Variants in VPS13D observed in about 807,000 individuals in gnomAD.
The protein encoded by VPS13D is intermembrane lipid transfer protein VPS13D.
Under a neutral mutation model 461.9 loss-of-function variants are expected in VPS13D, and 187 were observed. The observed-to-expected ratio is 0.40, with a 90% CI of 0.36 to 0.46. The LOEUF (loss-of-function observed/expected upper bound fraction) is 0.46, where lower values mean the gene tolerates loss of function less well. Among genes scored for constraint, VPS13D ranks in the 20% least tolerant of loss-of-function variants. VPS13D has a pLI of 0.60. For synonymous variants in VPS13D, 1,951 were observed against 1,986.3 expected, an observed-to-expected ratio of 0.98 and a Z score of 0.47; for missense variants, 4,711 against 5,364.9, an observed-to-expected ratio of 0.88 and a Z score of 3.81.
intron 29 of VPS13D, among the ~76,000 whole-genome samples, chr1:12,313,074 ATAGAGTTTCTGAC>A (rs1642798918): frequency 6.6e-6 from 1 of 152,082 alleles, no homozygotes; most frequent in Non-Finnish European, 1.5e-5. Context: ...TCTTTTCCAG[ATAGAGTTTCTGAC>A]TAGCTTAAGG....
intron 10 of VPS13D, among the ~76,000 whole-genome samples, chr1:12,259,740 T>G (rs997947428): frequency 6.6e-6 from 1 of 152,220 alleles, no homozygotes; most frequent in Non-Finnish European, 1.5e-5. Flanking sequence ...TCAGGACAGC[T>G]AATTCCGCTT....
chr1:12,307,081 T>A (rs540545942), intron 26 of VPS13D, among the ~76,000 whole-genome samples: 7 of 152,354 alleles, frequency 4.6e-5, no homozygotes, highest in African/African-American at 1.7e-4. Context: ...TCCATGTATT[T>A]ATCAATGTAA....
At chr1:12,280,376 A>G (rs1211703938) in intron 20 of VPS13D, among the ~76,000 whole-genome samples, 1 of 152,106 alleles carries the variant, frequency 6.6e-6, no homozygotes, top group African/African-American at 2.4e-5. Flanking sequence ...GACCCCTGAG[A>G]GAACTACTCC....
chr1:12,275,868 G>T lies in VPS13D; in HGVS notation c.2280G>T (p.Glu760Asp), dbSNP rs748649444. Residue 760 changes from glutamate (E) to aspartate (D), a missense_variant, in exon 19 of 70, where the codon GAG becomes GAT. By Grantham distance (45) the Glu-to-Asp change is conservative. Coordinates refer to ENST00000620676, the MANE Select transcript of VPS13D (RefSeq NM_015378.4). ...RKSRDGSASEETQFSDDEYKT... is the reference protein window; with the variant it reads ...RKSRDGSASEDTQFSDDEYKT... Reference sequence around the variant, plus strand: ...GTAGGGATGGGTCAGCATCTGAAGAGACCCAGTTTAGTGATGATGAATATA... The same window carrying T: ...GTAGGGATGGGTCAGCATCTGAAGATACCCAGTTTAGTGATGATGAATATA... 3.1e-6 allele frequency: 5 copies of T among 1,612,636 alleles called. No homozygotes were observed. Among genetic ancestry groups the T allele is most frequent in the Non-Finnish European group, 4.2e-6 (5 of 1,179,520 alleles).
At chr1:12,326,485 C>T (rs537164695) in intron 35 of VPS13D, among the ~76,000 whole-genome samples, 1 of 151,794 alleles carries the variant, frequency 6.6e-6, no homozygotes, top group East Asian at 1.9e-4. Flanking sequence ...CTACAGGATG[C>T]ACCACCATAC....
At chr1:12,401,552 C>A in intron 61 of VPS13D, 56 bp from the exon 62 acceptor site, 1 of 1,392,316 alleles carries the variant, frequency 7.2e-7, no homozygotes, top group Non-Finnish European at 1.0e-6. Context: ...CTTAATAGCA[C>A]AGATGAATGT....
At chr1:12,335,509 C>T (rs921885754) in intron 38 of VPS13D, among the ~76,000 whole-genome samples, 196 bp from the exon 39 acceptor site, 1 of 152,090 alleles carries the variant, frequency 6.6e-6, no homozygotes, top group Non-Finnish European at 1.5e-5. Flanking sequence ...AGTTTTGTGG[C>T]GATGGTTGTC....
chr1:12,256,531 A>G (rs1465829986), intron 8 of VPS13D, 28 bp downstream of exon 8: 7 of 1,609,132 alleles, frequency 4.4e-6, no homozygotes, highest in Non-Finnish European at 5.9e-6. Context: ...AGTGGCATCT[A>G]CTTACTGTCA....
At chr1:12,249,167 CT>C in intron 5 of VPS13D, 55 bp from the exon 6 acceptor site, 1 of 1,388,328 alleles carries the variant, frequency 7.2e-7, no homozygotes, top group Non-Finnish European at 1.0e-6. Context: ...TTTTTCTTTT[CT>C]TTGGAACACT....
At chr1:12,313,874 C>G (rs1642822028) in intron 29 of VPS13D, among the ~76,000 whole-genome samples, 1 of 152,154 alleles carries the variant, frequency 6.6e-6, no homozygotes, top group Admixed American at 6.5e-5. Flanking sequence ...ACTTCTCATG[C>G]CGTTCCTATG....
At chr1:12,351,349 A>G (rs28806228) in intron 46 of VPS13D, among the ~76,000 whole-genome samples, 151,963 of 152,284 alleles carry the variant, frequency 1, 75,827 homozygotes, top group Middle Eastern at 1. Flanking sequence ...GGAGTGCAAG[A>G]GTGCAGTCTT....
chr1:12,312,384 T>G (rs1474263194), intron 29 of VPS13D, among the ~76,000 whole-genome samples: 1 of 152,222 alleles, frequency 6.6e-6, no homozygotes, highest in Non-Finnish European at 1.5e-5. Flanking sequence ...AGTCCTGTCT[T>G]GCTGTGTGTC....
chr1:12,441,735 A>G (rs1027284267), intron 65 of VPS13D, among the ~76,000 whole-genome samples: 10 of 152,236 alleles, frequency 6.6e-5, no homozygotes, highest in Non-Finnish European at 1.5e-4. Flanking sequence ...TCTTCAATCC[A>G]AATCAATACC....
chr1:12,370,599 C>A (rs1271818346), intron 54 of VPS13D, among the ~76,000 whole-genome samples: 1 of 152,142 alleles, frequency 6.6e-6, no homozygotes, highest in Non-Finnish European at 1.5e-5. Flanking sequence ...AGAGAAGGAC[C>A]ATTCTTTCTT....
intron 36 of VPS13D, among the ~76,000 whole-genome samples, chr1:12,329,465 G>C (rs1344133875): frequency 6.6e-6 from 1 of 152,064 alleles, no homozygotes; most frequent in Non-Finnish European, 1.5e-5. Context: ...ACCCACCTTG[G>C]CCTCTCAAAG....
At chr1:12,269,197 G>A (rs1254173444) in intron 16 of VPS13D, among the ~76,000 whole-genome samples, 7 of 151,992 alleles carry the variant, frequency 4.6e-5, no homozygotes, top group East Asian at 1.9e-4. Context: ...CCAAAGAATA[G>A]CAGCTGTACT....
At chr1:12,436,660 G>A (rs1247889628) in intron 65 of VPS13D, among the ~76,000 whole-genome samples, 2 of 151,656 alleles carry the variant, frequency 1.3e-5, no homozygotes, top group South Asian at 2.1e-4. Context: ...TTTTTTGCAA[G>A]TTTTTTTTTG....
chr1:12,373,761 G>C lies in VPS13D; in HGVS notation c.10820G>C (p.Gly3607Ala). Reference sequence around the variant, plus strand: ...TTTTTAAATTCTAGCTTGCAGGAGGGAACAGGCAGGCCTGTGGCTTCCAAC... The same window carrying C: ...TTTTTAAATTCTAGCTTGCAGGAGGCAACAGGCAGGCCTGTGGCTTCCAAC... ...ATYTFSGLQE[G>A]TGRPVASNKA... The change falls in exon 55 of 70, where the codon GGA (glycine) becomes GCA (alanine). Residue 3607 changes from glycine (G) to alanine (A), a missense_variant. By Grantham distance (60) the Gly-to-Ala change is moderately conservative. Transcript: ENST00000620676. The C allele has an allele frequency of 6.6e-7, 1 of 1,508,746 alleles. No individual in the cohort carries two copies. Among genetic ancestry groups the C allele is most frequent in the Non-Finnish European group, 8.8e-7 (1 of 1,134,868 alleles). 93.5% of individuals were successfully genotyped at this position (1,508,746 alleles called of 1,614,324 possible). A position where few individuals can be genotyped will look rare whatever the true frequency, so the allele number is the denominator to read the frequency against.
intron 2 of VPS13D, among the ~76,000 whole-genome samples, chr1:12,240,976 G>T (rs749566454): frequency 6.6e-6 from 1 of 150,934 alleles, no homozygotes; most frequent in Non-Finnish European, 1.5e-5. Flanking sequence ...GTCTAGCTTT[G>T]TCACCAAGGC....
Sources: allele counts gnomAD v4.1 joint callset (sites outside exome capture counted in the v4.1 genomes callset), GRCh38; gene constraint gnomAD v4.1.1; transcripts MANE v1.5; gene names NCBI Gene and HGNC (gene_info 2026-07-23, HGNC 2026-07-21).